The following SMIM14 variants were observed in gnomAD, a reference collection of about 807,000 sequenced individuals.
SMIM14 encodes chromosome 4 open reading frame 34.
SMIM14 carries 5 observed loss-of-function variants against 12.6 expected under a neutral mutation model. That is an observed-to-expected ratio of 0.40 (90% CI 0.21 to 0.83). The LOEUF (loss-of-function observed/expected upper bound fraction) is 0.83, where lower values mean the gene tolerates loss of function less well. Ranked by LOEUF, SMIM14 falls within the 40% of genes least tolerant of loss-of-function variation. The pLI is 0.37. For missense variants in SMIM14, 86 were observed against 119.1 expected, an observed-to-expected ratio of 0.72 and a Z score of 1.29; for synonymous variants, 30 against 40.1, an observed-to-expected ratio of 0.75 and a Z score of 0.95.
At chr4:39,590,930 T>C (rs1714042984) in intron 2 of SMIM14, among the ~76,000 whole-genome samples, 1 of 152,186 alleles carries the variant, frequency 6.6e-6, no homozygotes, top group African/African-American at 2.4e-5. Flanking sequence ...TATCCTTATC[T>C]ACCTTTTTAA....
chr4:39,632,805 A>T (rs1715956431), intron 1 of SMIM14, among the ~76,000 whole-genome samples: 1 of 151,232 alleles, frequency 6.6e-6, no homozygotes, highest in Non-Finnish European at 1.5e-5. Flanking sequence ...ACACACACAC[A>T]CACACACACA....
chr4:39,605,271 C>T, intron 1 of SMIM14, 91 bp from the exon 2 acceptor site: 1 of 639,118 alleles, frequency 1.6e-6, no homozygotes, highest in Non-Finnish European at 2.7e-6. Flanking sequence ...ATTACATTCA[C>T]AATAGTATTA....
At chr4:39,576,686 T>TATATA (rs1560289819) in intron 2 of SMIM14, among the ~76,000 whole-genome samples, 36 of 4,684 alleles carry the variant, frequency 7.7e-3, no homozygotes, top group South Asian at 0.037. Context: ...ATATATATAT[T>TATATA]TTTTTTTTTT....
At position 39,551,630 on chromosome 4, in the gene SMIM14, C is replaced by CA. The variant is rs1711715088; in HGVS notation, c.*495dup. 6.5e-6 allele frequency: 1 copy of CA among 152,770 alleles called. No individual in the cohort carries two copies. The highest frequency in any genetic ancestry group is 1.9e-4 in the East Asian group (1 of 5,192). The allele number at this position is 152,770 out of a possible 1,614,324, so 9.5% of individuals were successfully genotyped here. Reference sequence around the variant, plus strand: ...CAAAACTACAGAAAACTGCCATCCACAAATAAACTACCAAGGTAAATGTAA... The same window carrying CA: ...CAAAACTACAGAAAACTGCCATCCACAAAATAAACTACCAAGGTAAATGTAA... On this transcript the variant is annotated 3_prime_UTR_variant, in exon 5 of 5. Transcript: ENST00000295958.
intron 2 of SMIM14, among the ~76,000 whole-genome samples, chr4:39,582,019 G>A (rs1221908307): frequency 6.6e-6 from 1 of 151,948 alleles, no homozygotes; most frequent in Non-Finnish European, 1.5e-5. Context: ...TTGCAGGCAT[G>A]TGTCACCACA....
rs1747388795 is a variant in SMIM14 at position 39,547,555 on chromosome 4, A to AACTT, written c.*4567_*4570dup. ...ATTTAGAAATATTATAAGAAGACTA[A>AACTT]ACTTACTATTGCAACAACAAAAATT... On this transcript the variant is annotated 3_prime_UTR_variant, in exon 5 of 5. Coordinates refer to ENST00000295958, the MANE Select transcript of SMIM14 (RefSeq NM_174921.3). 6.6e-6 allele frequency: 1 copy of AACTT among 152,236 alleles called. No homozygotes were observed. The highest frequency in any genetic ancestry group is 6.5e-5 in the Admixed American group (1 of 15,282). The allele number at this position is 152,236 out of a possible 1,614,324, so 9.4% of individuals were successfully genotyped here. A position where few individuals can be genotyped will look rare whatever the true frequency, so the allele number is the denominator to read the frequency against.
At chr4:39,610,197 G>C (rs537267622) in intron 1 of SMIM14, among the ~76,000 whole-genome samples, 1 of 152,106 alleles carries the variant, frequency 6.6e-6, no homozygotes, top group African/African-American at 2.4e-5. Flanking sequence ...ATGTTGCCCA[G>C]GCTGGTCTTG....
chr4:39,625,242 GAAAA>G (rs768651263), intron 1 of SMIM14, among the ~76,000 whole-genome samples: 1 of 147,744 alleles, frequency 6.8e-6, no homozygotes, highest in African/African-American at 2.5e-5. Flanking sequence ...AAGAAAGAAA[GAAAA>G]AGAAAAGGAT....
chr4:39,559,961 T>TAAA (rs149288205), intron 3 of SMIM14, among the ~76,000 whole-genome samples: 2 of 144,988 alleles, frequency 1.4e-5, no homozygotes, highest in East Asian at 2.0e-4. Flanking sequence ...TACAAAAAAT[T>TAAA]AAAAAAAAAA....
chr4:39,607,270 G>A (rs1714849638), intron 1 of SMIM14, among the ~76,000 whole-genome samples: 1 of 152,148 alleles, frequency 6.6e-6, no homozygotes, highest in South Asian at 2.1e-4. Flanking sequence ...ATAGTTTATT[G>A]TTTATCAATT....
intron 2 of SMIM14, among the ~76,000 whole-genome samples, chr4:39,587,686 G>A (rs530352135): frequency 1.3e-5 from 2 of 152,086 alleles, no homozygotes; most frequent in African/African-American, 2.4e-5. Context: ...CAGGAGGAAC[G>A]CTTGAGCCCA....
intron 1 of SMIM14, among the ~76,000 whole-genome samples, chr4:39,625,444 T>A (rs1402709995): frequency 6.7e-6 from 1 of 149,180 alleles, no homozygotes; most frequent in African/African-American, 2.5e-5. Flanking sequence ...TCATTACAAT[T>A]TTTTTTTTCT....
intron 3 of SMIM14, among the ~76,000 whole-genome samples, chr4:39,571,709 C>T (rs1461445470): frequency 6.6e-6 from 1 of 152,160 alleles, no homozygotes; most frequent in Admixed American, 6.5e-5. Flanking sequence ...CACCTGCCCA[C>T]AGTGCCCTGT....
chr4:39,615,579 C>T (rs1189767986), intron 1 of SMIM14, among the ~76,000 whole-genome samples: 1 of 152,060 alleles, frequency 6.6e-6, no homozygotes, highest in Non-Finnish European at 1.5e-5. Context: ...CAAAGTTTAA[C>T]ACTCTGGTGT....
rs190856505 is a variant in SMIM14 at position 39,633,163 on chromosome 4, G to A, written c.-36+5576C>T. Among the ~76,000 whole-genome samples the A allele has an allele frequency of 1.8e-3, 268 of 151,506 alleles. 2 individuals carry two copies. In the East Asian group the frequency reaches 0.021, roughly 12 times the overall value. On this transcript the variant is annotated intron_variant, in intron 1 of 4. Transcript: ENST00000295958. ...ACAAAAATTAGCTGGGCATGGTGGC[G>A]CACGTCTGTAATCCCAGCTACTCAG...
chr4:39,596,588 G>A (rs1369526291), intron 2 of SMIM14, among the ~76,000 whole-genome samples: 3 of 152,102 alleles, frequency 2.0e-5, no homozygotes, highest in African/African-American at 4.8e-5. Flanking sequence ...TACATTAGAG[G>A]TTTTCAATGG....
rs576573431 is a variant in SMIM14, at chr4:39,628,088, T to C, written c.-36+10651A>G. ...CTTTGCGGGGCCAAGGCAGGAGGAC[T>C]ACGAGGTCAGGAATTCAAGACCAGC... On this transcript the variant is annotated intron_variant, in intron 1 of 4. Transcript: ENST00000295958. Among the ~76,000 whole-genome samples the C allele has an allele frequency of 7.3e-5, 11 of 151,280 alleles. No individual in the cohort carries two copies. The East Asian group carries it at 2.2e-3, about 30-fold the overall frequency.
At chr4:39,630,112 A>G (rs2109256412) in intron 1 of SMIM14, among the ~76,000 whole-genome samples, 1 of 152,340 alleles carries the variant, frequency 6.6e-6, no homozygotes, top group South Asian at 2.1e-4. Flanking sequence ...AGCAGAAAGA[A>G]GCAGAGTGCT....
chr4:39,547,740 C>G lies in SMIM14; in HGVS notation c.*4386G>C, dbSNP rs1365480261. 2 of 152,120 alleles carry G rather than the reference C, an allele frequency of 1.3e-5. No homozygotes were observed. Among genetic ancestry groups the G allele is most frequent in the South Asian group, 4.1e-4 (2 of 4,822 alleles). The allele number at this position is 152,120 out of a possible 1,614,324, so 9.4% of individuals were successfully genotyped here. On this transcript the variant is annotated 3_prime_UTR_variant, in exon 5 of 5. Transcript: ENST00000295958. The stretch of plus-strand genomic sequence containing the variant: ...AAGGTTCCTTTGAAAATTTAAGATA[C>G]TGGTAATTCCATAAACACTCCCACA...
Sources: allele counts gnomAD v4.1 joint callset (sites outside exome capture counted in the v4.1 genomes callset), GRCh38; gene constraint gnomAD v4.1.1; transcripts MANE v1.5; gene names NCBI Gene and HGNC (gene_info 2026-07-23, HGNC 2026-07-21).